Variants in NEGR1 observed in about 807,000 individuals in gnomAD.
The protein encoded by NEGR1 is neuronal growth regulator 1.
A neutral mutation model predicts 40.9 loss-of-function variants in NEGR1; 10 were observed. The observed-to-expected ratio is 0.24, with a 90% CI of 0.15 to 0.42. The LOEUF (loss-of-function observed/expected upper bound fraction) is 0.42. Among genes scored for constraint, NEGR1 ranks in the 10% least tolerant of loss-of-function variants. The pLI, the probability that NEGR1 is intolerant of heterozygous loss-of-function variation, is 1.00. For missense variants in NEGR1, 352 were observed against 438.9 expected (o/e 0.80, Z 1.77); for synonymous variants, 185 against 166.8 (o/e 1.11, Z -0.84).
At chr1:71,784,970 C>T (rs1656858958) in intron 2 of NEGR1, among the ~76,000 whole-genome samples, 1 of 152,174 alleles carries the variant, frequency 6.6e-6, no homozygotes, top group African/African-American at 2.4e-5. Flanking sequence ...AACATGGTTA[C>T]ACAAGAGTTT....
At chr1:71,537,981 G>A (rs898187001) in intron 6 of NEGR1, among the ~76,000 whole-genome samples, 4 of 151,704 alleles carry the variant, frequency 2.6e-5, no homozygotes, top group African/African-American at 9.7e-5. Context: ...ATATATCACT[G>A]TGGGCTATTT....
chr1:71,641,992 C>T (rs746142855), intron 4 of NEGR1, among the ~76,000 whole-genome samples: 15 of 151,920 alleles, frequency 9.9e-5, no homozygotes, highest in South Asian at 2.1e-4. Flanking sequence ...TTAGGAAGTA[C>T]GGTGAGTTAG....
chr1:71,445,818 T>G (rs1313754213), intron 6 of NEGR1, among the ~76,000 whole-genome samples: 5 of 152,214 alleles, frequency 3.3e-5, no homozygotes, highest in Admixed American at 6.5e-5. Flanking sequence ...TTATGTGACC[T>G]ACTGGACATT....
intron 1 of NEGR1, among the ~76,000 whole-genome samples, chr1:72,096,481 AAT>A (rs1467899492): frequency 1.3e-5 from 2 of 152,028 alleles, no homozygotes; most frequent in African/African-American, 4.8e-5. Context: ...AATGTAATCT[AAT>A]ATAAAATTTC....
intron 1 of NEGR1, among the ~76,000 whole-genome samples, chr1:72,013,555 ATATAAT>A (rs1419732218): frequency 1.3e-5 from 2 of 152,120 alleles, no homozygotes; most frequent in East Asian, 1.9e-4. Flanking sequence ...TAAAATCTAA[ATATAAT>A]TATGACAGTA....
chr1:71,800,413 G>A (rs1038095512), intron 2 of NEGR1, among the ~76,000 whole-genome samples: 3 of 152,116 alleles, frequency 2.0e-5, no homozygotes, highest in African/African-American at 7.2e-5. Flanking sequence ...CGATCATGAA[G>A]TCTTTGCCCA....
At chr1:72,188,066 G>C (rs1652677203) in intron 1 of NEGR1, among the ~76,000 whole-genome samples, 1 of 151,418 alleles carries the variant, frequency 6.6e-6, no homozygotes, top group Non-Finnish European at 1.5e-5. Flanking sequence ...GGTTCCTTAA[G>C]CTAAAGGAAT....
chr1:71,925,166 G>A (rs1486027416), intron 2 of NEGR1, among the ~76,000 whole-genome samples: 5 of 152,130 alleles, frequency 3.3e-5, no homozygotes, highest in South Asian at 2.1e-4. Context: ...ATAGATTTAC[G>A]GTGTTCATAA....
At chr1:71,794,328 C>G (rs1261179097) in intron 2 of NEGR1, 1 of 152,006 alleles carries the variant, frequency 6.6e-6, no homozygotes, top group African/African-American at 2.4e-5. Context: ...ACAATCCTAA[C>G]TAAGAAAAAT....
intron 4 of NEGR1, among the ~76,000 whole-genome samples, chr1:71,650,698 G>A (rs892964459): frequency 2.8e-4 from 43 of 151,782 alleles, no homozygotes; most frequent in African/African-American, 1.0e-3. Flanking sequence ...TTGTATTTTT[G>A]TAAATTTTGA....
Position 71,481,378 on chromosome 1 carries a change from G to A in NEGR1, c.941-73808C>T, listed in dbSNP as rs956733574. Among the ~76,000 whole-genome samples the A allele has an allele frequency of 5.2e-4, 79 of 151,816 alleles. 1 individual carries two copies. The highest frequency in any genetic ancestry group is 5.2e-3 in the Admixed American group (79 of 15,204). Reference sequence around the variant, plus strand: ...ACCATAACCATTCTCTTTACACAATGATTTTTCAAGACCTAAATTGTTTAG... The same window carrying A: ...ACCATAACCATTCTCTTTACACAATAATTTTTCAAGACCTAAATTGTTTAG... On this transcript the variant is annotated intron_variant, in intron 6 of 6. Coordinates refer to ENST00000357731, the MANE Select transcript of NEGR1 (RefSeq NM_173808.3).
intron 1 of NEGR1, among the ~76,000 whole-genome samples, chr1:72,188,273 A>C (rs922808176): frequency 6.6e-6 from 1 of 151,362 alleles, no homozygotes; most frequent in Non-Finnish European, 1.5e-5. Flanking sequence ...ACTTGTAGAG[A>C]TCAAGAAGGT....
At chr1:71,579,943 T>C (rs10889921) in intron 6 of NEGR1, among the ~76,000 whole-genome samples, 43,622 of 152,098 alleles carry the variant, frequency 0.29, 7,051 homozygotes, top group East Asian at 0.65. Context: ...AAGAGTCAGT[T>C]GTAAGAAAGA....
chr1:71,928,448 G>GTATGTATATATACACACACA (rs1570516590), intron 2 of NEGR1, among the ~76,000 whole-genome samples: 1 of 127,690 alleles, frequency 7.8e-6, no homozygotes, highest in East Asian at 2.5e-4. Flanking sequence ...ACATATATAT[G>GTATGTATATATACACACACA]TATATATACA....
chr1:71,737,001 G>C (rs1655058275), intron 3 of NEGR1, among the ~76,000 whole-genome samples: 5 of 152,122 alleles, frequency 3.3e-5, no homozygotes, highest in African/African-American at 9.7e-5. Context: ...TAGTAAAGTT[G>C]GGTGCTTCCT....
chr1:72,224,968 A>C (rs1407153991), intron 1 of NEGR1, among the ~76,000 whole-genome samples: 1 of 152,034 alleles, frequency 6.6e-6, no homozygotes, highest in African/African-American at 2.4e-5. Flanking sequence ...TATGCATTTC[A>C]ATGTATTTTG....
At position 71,488,667 on chromosome 1, in the gene NEGR1, C is replaced by A. The variant is rs193000103; in HGVS notation, c.941-81097G>T. Among the ~76,000 whole-genome samples, 6 of 151,778 alleles carry A rather than the reference C, an allele frequency of 4.0e-5. No individual in the cohort carries two copies. In the East Asian group the frequency reaches 1.2e-3, roughly 30 times the overall value. On this transcript the variant is annotated intron_variant, in intron 6 of 6. Coordinates refer to ENST00000357731, the MANE Select transcript of NEGR1 (RefSeq NM_173808.3). ...TCCAAATATCCTTGTCACCATGTAG[C>A]ATGAACTACCTATATCCCTTCTTCT...
intron 6 of NEGR1, among the ~76,000 whole-genome samples, chr1:71,550,276 T>C (rs184036901): frequency 1.3e-5 from 2 of 151,748 alleles, no homozygotes; most frequent in Admixed American, 1.3e-4. Context: ...CACTCATAGA[T>C]ATTTTCAGTT....
intron 1 of NEGR1, among the ~76,000 whole-genome samples, chr1:72,208,897 T>C (rs150440674): frequency 6.6e-6 from 1 of 151,740 alleles, no homozygotes; most frequent in African/African-American, 2.4e-5. Flanking sequence ...AGGAAATGTA[T>C]TGCAAGAATT....
Sources: gnomAD v4.1 joint callset for allele counts (sites outside exome capture counted in the v4.1 genomes callset) on GRCh38, gnomAD v4.1.1 for gene constraint, MANE v1.5 for transcripts, NCBI Gene and HGNC (gene_info 2026-07-23, HGNC 2026-07-21) for gene names.